Variants in HOGA1 observed in about 807,000 individuals in gnomAD.
HOGA1 encodes the protein 4-hydroxy-2-oxoglutarate aldolase, mitochondrial.
HOGA1 carries 30 observed loss-of-function variants against 34.3 expected under a neutral mutation model. That is an observed-to-expected ratio of 0.87 (90% confidence interval 0.65 to 1.19). The LOEUF (loss-of-function observed/expected upper bound fraction) is 1.19. Among genes scored for constraint, HOGA1 ranks in the 50% most tolerant of loss-of-function variants. The pLI is 0.00. For missense variants in HOGA1, 417 were observed against 436.5 expected, an observed-to-expected ratio of 0.96 and a Z score of 0.40; for synonymous variants, 161 against 174.0, an observed-to-expected ratio of 0.93 and a Z score of 0.59.
At chr10:97,600,882 G>A (rs2041110345) in intron 5 of HOGA1, 1 of 152,298 alleles carries the variant, frequency 6.6e-6, no homozygotes, top group East Asian at 1.9e-4. Context: ...GCCATGTCAT[G>A]GCCTCTACGG....
intron 1 of HOGA1, chr10:97,589,612 C>G: frequency 1.2e-5 from 4 of 346,886 alleles, no homozygotes; most frequent in East Asian, 5.7e-5. Flanking sequence ...TGCGGCCTCT[C>G]CCCACCCCAC....
intron 6 of HOGA1, among the ~76,000 whole-genome samples, chr10:97,608,381 T>G (rs1172990772): frequency 6.6e-6 from 1 of 152,230 alleles, no homozygotes; most frequent in Admixed American, 6.5e-5. Flanking sequence ...GGGGCACACA[T>G]GATTACTTAT....
At chr10:97,609,395 G>T (rs970321822) in intron 6 of HOGA1, among the ~76,000 whole-genome samples, 1 of 152,256 alleles carries the variant, frequency 6.6e-6, no homozygotes, top group Non-Finnish European at 1.5e-5. Flanking sequence ...CCCTGGGGAA[G>T]AGTGGATGCC....
At chr10:97,591,694 G>A (rs896713433) in intron 1 of HOGA1, among the ~76,000 whole-genome samples, 1 of 151,802 alleles carries the variant, frequency 6.6e-6, no homozygotes, top group Admixed American at 6.6e-5. Context: ...GCGTGATCAC[G>A]GCTCACTGCA....
chr10:97,600,046 A>G, intron 4 of HOGA1, 21 bp from the exon 5 acceptor site: 1 of 1,610,486 alleles, frequency 6.2e-7, no homozygotes, highest in Non-Finnish European at 8.5e-7. Flanking sequence ...CACAGCTCTC[A>G]CACCACATTT....
intron 1 of HOGA1, chr10:97,590,333 C>T (rs755053963): frequency 1.9e-6 from 3 of 1,613,970 alleles, no homozygotes; most frequent in South Asian, 1.1e-5. Flanking sequence ...TCACTCCATG[C>T]TGCAGCGGGC....
At chr10:97,595,946 G>C (rs2041067603) in intron 1 of HOGA1, among the ~76,000 whole-genome samples, 2 of 152,104 alleles carry the variant, frequency 1.3e-5, no homozygotes, top group South Asian at 4.1e-4. Context: ...GTGAAGGAGG[G>C]GCTCTTTGGG....
chr10:97,602,360 C>T (rs981775047), intron 6 of HOGA1: 35 of 1,201,134 alleles, frequency 2.9e-5, no homozygotes, highest in Non-Finnish European at 3.0e-5. Flanking sequence ...CCTCTAAATC[C>T]GTGCTATCGG....
At chr10:97,602,989 G>C (rs145131217) in intron 6 of HOGA1, among the ~76,000 whole-genome samples, 1 of 151,980 alleles carries the variant, frequency 6.6e-6, no homozygotes, top group Non-Finnish European at 1.5e-5. Context: ...ACAGTGCCCG[G>C]CCTATTCTTT....
chr10:97,590,659 C>A, intron 1 of HOGA1: 1 of 1,297,118 alleles, frequency 7.7e-7, no homozygotes, highest in Non-Finnish European at 1.1e-6. Flanking sequence ...GTTTTCTCTC[C>A]TATGGGGCCA....
intron 6 of HOGA1, among the ~76,000 whole-genome samples, 173 bp from the exon 7 acceptor site, chr10:97,611,337 C>T (rs1271721132): frequency 1.3e-5 from 2 of 152,240 alleles, no homozygotes; most frequent in Admixed American, 1.3e-4. Flanking sequence ...CAGACCTGCT[C>T]TCTGGTCTCT....
chr10:97,592,248 T>TC (rs1476461517), intron 1 of HOGA1, among the ~76,000 whole-genome samples: 1 of 150,064 alleles, frequency 6.7e-6, no homozygotes, highest in East Asian at 2.0e-4. Context: ...TACTTTTTTT[T>TC]TTTTTTTTTT....
intron 6 of HOGA1, among the ~76,000 whole-genome samples, chr10:97,610,205 T>C (rs1171846321): frequency 6.6e-6 from 1 of 152,352 alleles, no homozygotes; most frequent in Non-Finnish European, 1.5e-5. Context: ...CCGTGGCTCA[T>C]GCCTGTAATC....
chr10:97,611,860 C>T lies in HOGA1; in HGVS notation c.*201C>T. ...CCTATTCTAACGGCCCCTGACCTCT[C>T]CCTTTTGGATCCTAAACTGTGTCTC... On this transcript the variant is annotated 3_prime_UTR_variant, in exon 7 of 7. Transcript: ENST00000370646. The T allele has an allele frequency of 1.7e-6, 1 of 604,224 alleles. No homozygotes were observed. Among genetic ancestry groups the T allele is most frequent in the Non-Finnish European group, 2.9e-6 (1 of 342,756 alleles). 37.4% of individuals were successfully genotyped at this position (604,224 alleles called of 1,614,324 possible).
intron 1 of HOGA1, among the ~76,000 whole-genome samples, chr10:97,588,195 C>CTTTTTT (rs1164946936): frequency 1.1e-4 from 15 of 131,342 alleles, no homozygotes; most frequent in South Asian, 2.6e-4. Flanking sequence ...TTTGTTTTTT[C>CTTTTTT]TTTCTTTTTT....
chr10:97,598,346 A>C (rs1173658682), intron 1 of HOGA1, among the ~76,000 whole-genome samples: 1 of 152,260 alleles, frequency 6.6e-6, no homozygotes, highest in African/African-American at 2.4e-5. Flanking sequence ...ATTGTGTTCT[A>C]ACCTTACAAC....
chr10:97,590,661 A>C, intron 1 of HOGA1: 1 of 1,281,172 alleles, frequency 7.8e-7, no homozygotes, highest in Non-Finnish European at 1.1e-6. Context: ...TTTCTCTCCT[A>C]TGGGGCCATC....
At chr10:97,597,201 G>T (rs2041078241) in intron 1 of HOGA1, among the ~76,000 whole-genome samples, 2 of 151,380 alleles carry the variant, frequency 1.3e-5, no homozygotes, top group African/African-American at 2.4e-5. Flanking sequence ...AAATGCACCT[G>T]GTTTATTTAT....
chr10:97,602,500 G>A, intron 6 of HOGA1: 1 of 985,354 alleles, frequency 1.0e-6, no homozygotes, highest in Non-Finnish European at 1.2e-6. Flanking sequence ...GCAAGCAAAG[G>A]AGAACTTCAG....
Sources: allele counts gnomAD v4.1 joint callset (sites outside exome capture counted in the v4.1 genomes callset), GRCh38; gene constraint gnomAD v4.1.1; transcripts MANE v1.5; gene names NCBI Gene and HGNC (gene_info 2026-07-23, HGNC 2026-07-21).